The following PPP4R2 variants were observed in gnomAD, a reference collection of about 807,000 sequenced individuals.
PPP4R2 encodes the protein protein phosphatase 4 regulatory subunit 2.
A neutral mutation model predicts 47.2 loss-of-function variants in PPP4R2; 13 were observed. That is an observed-to-expected ratio of 0.28 (90% CI 0.18 to 0.44). The LOEUF (loss-of-function observed/expected upper bound fraction) is 0.44, where lower values mean the gene tolerates loss of function less well. Among genes scored for constraint, PPP4R2 ranks in the 20% least tolerant of loss-of-function variants. The pLI, the probability that PPP4R2 is intolerant of heterozygous loss-of-function variation, is 1.00. For missense variants in PPP4R2, 421 were observed against 491.2 expected, an observed-to-expected ratio of 0.86 and a Z score of 1.35; for synonymous variants, 151 against 163.3, an observed-to-expected ratio of 0.92 and a Z score of 0.57.
intron 2 of PPP4R2, among the ~76,000 whole-genome samples, chr3:73,012,285 T>A (rs766756346): frequency 9.2e-5 from 14 of 152,178 alleles, no homozygotes; most frequent in Admixed American, 2.0e-4. Context: ...TTCAGTACAA[T>A]TTTTCTCAAA....
chr3:73,051,022 C>T (rs934973461), intron 3 of PPP4R2, among the ~76,000 whole-genome samples: 1 of 152,178 alleles, frequency 6.6e-6, no homozygotes, highest in African/African-American at 2.4e-5. Context: ...TCAGGCGATT[C>T]TCCTGCCTCA....
intron 2 of PPP4R2, among the ~76,000 whole-genome samples, chr3:73,018,023 C>T (rs534834065): frequency 6.0e-4 from 91 of 152,198 alleles, no homozygotes; most frequent in African/African-American, 2.0e-3. Context: ...GGACACTGGG[C>T]GTGCAGATAC....
At chr3:72,998,685 C>G (rs1189908000) in intron 2 of PPP4R2, among the ~76,000 whole-genome samples, 1 of 152,132 alleles carries the variant, frequency 6.6e-6, no homozygotes, top group East Asian at 1.9e-4. Context: ...TGTAGACTTT[C>G]TAAGATAGCT....
intron 3 of PPP4R2, among the ~76,000 whole-genome samples, chr3:73,047,634 T>C (rs968498710): frequency 1.3e-5 from 2 of 152,266 alleles, no homozygotes; most frequent in Non-Finnish European, 2.9e-5. Context: ...TATTTGGTGT[T>C]ATGTCTTCAT....
chr3:73,049,746 T>A (rs1267799447), intron 3 of PPP4R2, among the ~76,000 whole-genome samples: 1 of 149,848 alleles, frequency 6.7e-6, no homozygotes, highest in African/African-American at 2.4e-5. Context: ...AATACATGTA[T>A]TATATATTAT....
rs987636938 is a variant in PPP4R2, at chr3:73,067,406, A to G, written c.*1684A>G. On this transcript the variant is annotated 3_prime_UTR_variant, in exon 9 of 9. Coordinates refer to ENST00000356692, the MANE Select transcript of PPP4R2 (RefSeq NM_174907.4). ...ATACCAAAACGATTTGGATCCATTT[A>G]TGTTTGTAGGATAATATACTACTGA... 2 of 152,130 alleles carry G rather than the reference A, an allele frequency of 1.3e-5. No individual in the cohort carries two copies. Among genetic ancestry groups the G allele is most frequent in the Non-Finnish European group, 2.9e-5 (2 of 67,976 alleles). The allele number at this position is 152,130 out of a possible 1,614,324, so 9.4% of individuals were successfully genotyped here. A position where few individuals can be genotyped will look rare whatever the true frequency, so the allele number is the denominator to read the frequency against.
chr3:72,999,817 GTAGT>G (rs1701422600), intron 2 of PPP4R2, among the ~76,000 whole-genome samples: 1 of 152,150 alleles, frequency 6.6e-6, no homozygotes, highest in African/African-American at 2.4e-5. Context: ...AATGATTGGT[GTAGT>G]TAGATTCTTA....
At chr3:73,036,802 A>G (rs1474484024) in intron 2 of PPP4R2, among the ~76,000 whole-genome samples, 1 of 152,224 alleles carries the variant, frequency 6.6e-6, no homozygotes, top group Non-Finnish European at 1.5e-5. Context: ...TTAAAGTAGC[A>G]GTGAAAGTAA....
chr3:72,999,646 T>C (rs537623933), intron 2 of PPP4R2, among the ~76,000 whole-genome samples: 1 of 152,362 alleles, frequency 6.6e-6, no homozygotes, highest in South Asian at 2.1e-4. Flanking sequence ...TTCTAAAAGA[T>C]AGCTTTTTAA....
rs997196306 is a variant in PPP4R2 at position 73,066,269 on chromosome 3, A to AG, written c.*553dup. 5.1e-5 allele frequency: 6 copies of AG among 118,328 alleles called. No individual in the cohort carries two copies. The highest frequency in any genetic ancestry group is 1.9e-4 in the African/African-American group (6 of 32,148). 7.3% of individuals were successfully genotyped at this position (118,328 alleles called of 1,614,324 possible). ...ATATATATATATATATATAATTCTA[A>AG]GGGGGGAAATGTTATATTTTTCTGT... On this transcript the variant is annotated 3_prime_UTR_variant, in exon 9 of 9. Transcript: ENST00000356692.
rs576119953 is a variant in PPP4R2, at chr3:73,027,272, G to A, written c.117-19914G>A. Among the ~76,000 whole-genome samples the A allele has an allele frequency of 1.4e-4, 21 of 152,206 alleles. No homozygotes were observed. In the East Asian group the frequency reaches 2.9e-3, roughly 21 times the overall value. On this transcript the variant is annotated intron_variant, in intron 2 of 8. Transcript: ENST00000356692. ...CTCCCAAGTAGCTGGGACTACAGGCGTGCGCCACCATTGCCTGGCTAATTT... is the reference window on the plus strand; with the variant it reads ...CTCCCAAGTAGCTGGGACTACAGGCATGCGCCACCATTGCCTGGCTAATTT...
rs575754959 is a variant in PPP4R2, at chr3:72,997,018, G to T, written c.-20G>T. The T allele has an allele frequency of 5.0e-6, 7 of 1,389,986 alleles. No homozygotes were observed. The African/African-American group carries it at 8.9e-5, about 18-fold the overall frequency. 86.1% of individuals were successfully genotyped at this position (1,389,986 alleles called of 1,614,324 possible). A position where few individuals can be genotyped will look rare whatever the true frequency, so the allele number is the denominator to read the frequency against. On this transcript the variant is annotated 5_prime_UTR_variant, in exon 1 of 9. Coordinates refer to ENST00000356692, the MANE Select transcript of PPP4R2 (RefSeq NM_174907.4). ...AGACCCGCGGAGGGAGGCGGAGGCT[G>T]TGAGGGACTCCGGGAAGCCATGGAC...
At position 73,055,730 on chromosome 3, in the gene PPP4R2, C is replaced by T. The variant is rs539206821; in HGVS notation, c.288-3307C>T. Among the ~76,000 whole-genome samples, 15 of 150,156 alleles carry T rather than the reference C, an allele frequency of 1.0e-4. No individual in the cohort carries two copies. In the South Asian group the frequency reaches 2.1e-3, roughly 21 times the overall value. ...AGGCTGGAGTGCAGTGGCTCAATCT[C>T]GACTCACTGCAACTTGCAACCTCCA... On this transcript the variant is annotated intron_variant, in intron 3 of 8. Coordinates refer to ENST00000356692, the MANE Select transcript of PPP4R2 (RefSeq NM_174907.4).
chr3:73,028,991 G>A (rs1342665875), intron 2 of PPP4R2, among the ~76,000 whole-genome samples: 3 of 152,218 alleles, frequency 2.0e-5, no homozygotes, highest in Admixed American at 6.5e-5. Context: ...CTGTCATGCA[G>A]TGTGAGTGCA....
chr3:73,005,602 A>G (rs1701592034), intron 2 of PPP4R2, among the ~76,000 whole-genome samples: 1 of 151,872 alleles, frequency 6.6e-6, no homozygotes, highest in Non-Finnish European at 1.5e-5. Context: ...TAATCCCAGC[A>G]GTTTGGGAGG....
intron 5 of PPP4R2, chr3:73,062,503 T>C: frequency 6.2e-7 from 1 of 1,613,750 alleles, no homozygotes; most frequent in Non-Finnish European, 8.5e-7. Flanking sequence ...CAGGCATTAC[T>C]GAGTGTTGGT....
At chr3:73,048,774 G>A (rs1460804750) in intron 3 of PPP4R2, among the ~76,000 whole-genome samples, 2 of 152,102 alleles carry the variant, frequency 1.3e-5, no homozygotes, top group Non-Finnish European at 2.9e-5. Context: ...GATTCTTTAG[G>A]TATTTAATTG....
intron 2 of PPP4R2, among the ~76,000 whole-genome samples, chr3:73,016,873 C>T (rs1275503792): frequency 1.5e-5 from 2 of 134,010 alleles, no homozygotes; most frequent in Non-Finnish European, 3.1e-5. Context: ...GGCTGGAGTT[C>T]AGTGGCTCAC....
At chr3:73,023,119 A>T (rs1050913741) in intron 2 of PPP4R2, among the ~76,000 whole-genome samples, 1 of 152,138 alleles carries the variant, frequency 6.6e-6, no homozygotes, top group East Asian at 1.9e-4. Flanking sequence ...AAAATTGTTA[A>T]TGGAACAATA....
Sources: allele counts gnomAD v4.1 joint callset (sites outside exome capture counted in the v4.1 genomes callset), GRCh38; gene constraint gnomAD v4.1.1; transcripts MANE v1.5; gene names NCBI Gene and HGNC (gene_info 2026-07-23, HGNC 2026-07-21).